Variants in DENND2A observed in about 807,000 individuals in gnomAD.
DENND2A encodes the protein DENN domain containing 2A.
DENND2A carries 53 observed loss-of-function variants against 105.3 expected under a neutral mutation model. The ratio of observed to expected loss-of-function variants is 0.50; its 90% CI spans 0.40 to 0.63. The LOEUF (loss-of-function observed/expected upper bound fraction) is 0.63. Ranked by LOEUF, DENND2A falls within the 30% of genes least tolerant of loss-of-function variation. DENND2A has a pLI of 0.00. For synonymous variants in DENND2A, 522 were observed against 508.4 expected (o/e 1.03, Z -0.36); for missense variants, 1,138 against 1,279.6 (o/e 0.89, Z 1.69).
intron 14 of DENND2A, among the ~76,000 whole-genome samples, chr7:140,540,182 G>A (rs1311811291): frequency 1.3e-5 from 2 of 152,190 alleles, no homozygotes; most frequent in East Asian, 3.9e-4. Context: ...CCTGGCTCTC[G>A]CTCCAAGGAG....
At chr7:140,621,604 C>G (rs1326311889) in intron 1 of DENND2A, among the ~76,000 whole-genome samples, 1 of 152,096 alleles carries the variant, frequency 6.6e-6, no homozygotes, top group East Asian at 1.9e-4. Flanking sequence ...ATACAAAGGG[C>G]CTGTTATAGT....
chr7:140,544,707 G>C lies in DENND2A; in HGVS notation c.2238C>G (p.Leu746=), dbSNP rs771391244. ...GGTGGCGGACGCTGAGGGAGGAGAA[G>C]AGAGACTCAAAGTCCACGTGCTCGA... ...SRLEHVDFES[L]FSSLSVRHLV... Residue 746 remains leucine (L), a synonymous_variant, in exon 14 of 20, where the codon CTC becomes CTG. Coordinates refer to ENST00000496613, the MANE Select transcript of DENND2A (RefSeq NM_015689.5). 5 of 1,612,900 alleles carry C rather than the reference G, an allele frequency of 3.1e-6. No individual in the cohort carries two copies. The East Asian group carries it at 1.1e-4, about 36-fold the overall frequency.
intron 14 of DENND2A, among the ~76,000 whole-genome samples, chr7:140,537,049 C>G (rs1796479256): frequency 6.6e-6 from 1 of 152,210 alleles, no homozygotes; most frequent in African/African-American, 2.4e-5. Flanking sequence ...AGCTAGACCT[C>G]TGAAGTATCT....
intron 1 of DENND2A, among the ~76,000 whole-genome samples, chr7:140,637,802 C>T (rs1285564284): frequency 6.6e-6 from 1 of 152,158 alleles, no homozygotes; most frequent in African/African-American, 2.4e-5. Context: ...TCAGCCCACC[C>T]CTCTCTGGGC....
chr7:140,567,650 C>G (rs1034543756), intron 8 of DENND2A, among the ~76,000 whole-genome samples: 2 of 152,110 alleles, frequency 1.3e-5, no homozygotes, highest in African/African-American at 4.8e-5. Flanking sequence ...GAGATGGGGA[C>G]AGTGACTCCT....
intron 2 of DENND2A, among the ~76,000 whole-genome samples, chr7:140,604,513 C>T (rs1799624504): frequency 6.6e-6 from 1 of 152,180 alleles, no homozygotes; most frequent in Non-Finnish European, 1.5e-5. Context: ...AGATTTTAGT[C>T]AGAATCAGTT....
chr7:140,637,592 C>T (rs758725578), intron 1 of DENND2A, among the ~76,000 whole-genome samples: 2 of 152,188 alleles, frequency 1.3e-5, no homozygotes, highest in Non-Finnish European at 2.9e-5. Context: ...CCACCCTTTT[C>T]CTACCCCTTT....
chr7:140,561,998 T>G (rs1051497224), intron 9 of DENND2A, among the ~76,000 whole-genome samples: 1 of 151,946 alleles, frequency 6.6e-6, no homozygotes, highest in East Asian at 1.9e-4. Context: ...CAAGTGATTC[T>G]CCTACCTCAG....
At position 140,518,604 on chromosome 7, in the gene DENND2A, C is replaced by G; in HGVS notation, c.*103G>C. The G allele has an allele frequency of 2.3e-6, 3 of 1,312,582 alleles. No homozygotes were observed. The highest frequency in any genetic ancestry group is 3.2e-6 in the Non-Finnish European group (3 of 923,840). The allele number at this position is 1,312,582 out of a possible 1,614,324, so 81.3% of individuals were successfully genotyped here. A position where few individuals can be genotyped will look rare whatever the true frequency, so the allele number is the denominator to read the frequency against. The stretch of plus-strand genomic sequence containing the variant: ...CAGAAGCCACCGCGGCCTCCAGTTC[C>G]GCACCGTGACAACCTGGGACCCAGC... On this transcript the variant is annotated 3_prime_UTR_variant, in exon 20 of 20. Coordinates refer to ENST00000496613, the MANE Select transcript of DENND2A (RefSeq NM_015689.5).
chr7:140,585,271 C>G (rs1258384205), intron 5 of DENND2A, among the ~76,000 whole-genome samples: 1 of 152,210 alleles, frequency 6.6e-6, no homozygotes, highest in African/African-American at 2.4e-5. Context: ...CATGCCTTTC[C>G]GTCTTGTATC....
chr7:140,626,677 A>G (rs1800545187), intron 1 of DENND2A, among the ~76,000 whole-genome samples: 1 of 150,292 alleles, frequency 6.7e-6, no homozygotes, highest in Non-Finnish European at 1.5e-5. Flanking sequence ...GACTCTTCCC[A>G]CCCTCTTTTG....
intron 1 of DENND2A, among the ~76,000 whole-genome samples, chr7:140,625,174 G>A (rs1800472926): frequency 1.3e-5 from 2 of 151,440 alleles, no homozygotes; most frequent in South Asian, 4.2e-4. Flanking sequence ...GTCAGGAGTT[G>A]GAGACCAGCC....
At position 140,602,753 on chromosome 7, in the gene DENND2A, A is replaced by T. The variant is rs140591654; in HGVS notation, c.-145-211T>A. 5.4e-3 allele frequency among the ~76,000 whole-genome samples: 818 copies of T among 152,154 alleles called. 13 individuals carry two copies. The highest frequency in any genetic ancestry group is 0.019 in the African/African-American group (776 of 41,502). ...TTTGGGAGGCTGAGGTGGGAGGATC[A>T]CTTGAGGCCAGGAGTTCAAAACCAG... is the stretch of plus-strand genomic sequence containing the variant. On this transcript the variant is annotated intron_variant, in intron 2 of 19. Coordinates refer to ENST00000496613, the MANE Select transcript of DENND2A (RefSeq NM_015689.5).
At chr7:140,586,213 G>A (rs1325948738) in intron 4 of DENND2A, among the ~76,000 whole-genome samples, 1 of 152,020 alleles carries the variant, frequency 6.6e-6, no homozygotes, top group Non-Finnish European at 1.5e-5. Flanking sequence ...AAGCTAACCT[G>A]AGAGGTAAGA....
rs556865875 is a variant in DENND2A at position 140,561,804 on chromosome 7, G to A, written c.1780-1987C>T. The stretch of plus-strand genomic sequence containing the variant: ...TGTTGGGATTACAGGCATGAGCCAC[G>A]GTGTTTGGCCCTAACCTAAATTTTT... On this transcript the variant is annotated intron_variant, in intron 9 of 19. Coordinates refer to ENST00000496613, the MANE Select transcript of DENND2A (RefSeq NM_015689.5). Among the ~76,000 whole-genome samples the A allele has an allele frequency of 7.3e-5, 11 of 150,936 alleles. No individual in the cohort carries two copies. In the East Asian group the frequency reaches 2.2e-3, roughly 30 times the overall value.
intron 3 of DENND2A, among the ~76,000 whole-genome samples, chr7:140,596,482 G>A (rs912475960): frequency 2.6e-5 from 4 of 152,188 alleles, no homozygotes; most frequent in Non-Finnish European, 5.9e-5. Flanking sequence ...TGTGAGAGCC[G>A]AGGGTTGCTG....
At chr7:140,613,190 A>C (rs187332392) in intron 1 of DENND2A, among the ~76,000 whole-genome samples, 1 of 151,994 alleles carries the variant, frequency 6.6e-6, no homozygotes, top group Non-Finnish European at 1.5e-5. Context: ...CTGAAGCAGG[A>C]GGACTGCTTG....
At chr7:140,620,352 G>A (rs1009232901) in intron 1 of DENND2A, among the ~76,000 whole-genome samples, 1 of 121,128 alleles carries the variant, frequency 8.3e-6, no homozygotes, top group African/African-American at 3.1e-5. Flanking sequence ...AAAGGGGTGG[G>A]GGGGGGGAGG....
intron 5 of DENND2A, among the ~76,000 whole-genome samples, chr7:140,584,182 C>T (rs1032230133): frequency 2.6e-5 from 4 of 151,674 alleles, no homozygotes; most frequent in East Asian, 1.9e-4. Context: ...GTGGAGCTTG[C>T]ATTGAGCCGA....
Sources: gnomAD v4.1 joint callset for allele counts (sites outside exome capture counted in the v4.1 genomes callset) on GRCh38, gnomAD v4.1.1 for gene constraint, MANE v1.5 for transcripts, NCBI Gene and HGNC (gene_info 2026-07-23, HGNC 2026-07-21) for gene names.